The following RUNX2 variants were observed in gnomAD, a reference collection of about 807,000 sequenced individuals.
The protein encoded by RUNX2 is RUNX family transcription factor 2.
A neutral mutation model predicts 51.7 loss-of-function variants in RUNX2; 10 were observed. The ratio of observed to expected loss-of-function variants is 0.19; its 90% CI spans 0.12 to 0.33. The LOEUF (loss-of-function observed/expected upper bound fraction) is 0.33. RUNX2 is among the 10% of genes least tolerant of loss of function. RUNX2 has a pLI of 1.00. For missense variants in RUNX2, 562 were observed against 691.3 expected (o/e 0.81, Z 2.10); for synonymous variants, 276 against 273.6 (o/e 1.01, Z -0.09).
chr6:45,360,061 T>C (rs1016229840), intron 2 of RUNX2, among the ~76,000 whole-genome samples: 1 of 152,242 alleles, frequency 6.6e-6, no homozygotes, highest in Non-Finnish European at 1.5e-5. Flanking sequence ...TTGAAAGTCA[T>C]TTATAAACTA....
At chr6:45,423,373 C>T (rs1798286169) in intron 3 of RUNX2, among the ~76,000 whole-genome samples, 1 of 152,170 alleles carries the variant, frequency 6.6e-6, no homozygotes, top group Non-Finnish European at 1.5e-5. Context: ...GCATTGTCCC[C>T]TGGGGCTCCC....
chr6:45,519,774 TTA>T (rs1179504865), intron 7 of RUNX2, among the ~76,000 whole-genome samples: 251 of 135,896 alleles, frequency 1.8e-3, no homozygotes, highest in Middle Eastern at 7.3e-3. Flanking sequence ...AAGGATGCTA[TTA>T]TATATATATA....
intron 5 of RUNX2, among the ~76,000 whole-genome samples, chr6:45,442,745 T>C (rs1420536074): frequency 6.6e-6 from 1 of 152,198 alleles, no homozygotes; most frequent in Non-Finnish European, 1.5e-5. Flanking sequence ...GGATGGTTTT[T>C]CTATTTGTCA....
At chr6:45,343,276 G>A (rs1790198296) in intron 2 of RUNX2, among the ~76,000 whole-genome samples, 1 of 152,076 alleles carries the variant, frequency 6.6e-6, no homozygotes, top group Admixed American at 6.5e-5. Context: ...TTGGGAGGCC[G>A]AGGCGGGCAG....
At chr6:45,356,978 C>T (rs1302671993) in intron 2 of RUNX2, among the ~76,000 whole-genome samples, 1 of 152,100 alleles carries the variant, frequency 6.6e-6, no homozygotes, top group Non-Finnish European at 1.5e-5. Context: ...CTACTAACCA[C>T]TCTCTGATAT....
At chr6:45,462,208 T>C (rs905427251) in intron 5 of RUNX2, among the ~76,000 whole-genome samples, 1 of 152,260 alleles carries the variant, frequency 6.6e-6, no homozygotes, top group Non-Finnish European at 1.5e-5. Flanking sequence ...CAGTTATTTA[T>C]ATCCATATGT....
chr6:45,384,252 T>C (rs910535184), intron 2 of RUNX2, among the ~76,000 whole-genome samples: 14 of 151,708 alleles, frequency 9.2e-5, no homozygotes, highest in African/African-American at 3.4e-4. Flanking sequence ...TTTCCAGGGG[T>C]GGGGGGAGTG....
intron 2 of RUNX2, among the ~76,000 whole-genome samples, chr6:45,344,113 G>A (rs960649814): frequency 3.9e-5 from 6 of 151,986 alleles, no homozygotes; most frequent in Non-Finnish European, 5.9e-5. Flanking sequence ...CCTTTTATTC[G>A]GAGAGATAAA....
At chr6:45,415,594 A>G (rs143145210) in intron 2 of RUNX2, among the ~76,000 whole-genome samples, 21 of 152,298 alleles carry the variant, frequency 1.4e-4, no homozygotes, top group African/African-American at 4.8e-4. Context: ...AGCTAGCTTT[A>G]TTGCAGCAGC....
At chr6:45,527,080 C>A (rs1453869980) in intron 7 of RUNX2, among the ~76,000 whole-genome samples, 1 of 151,970 alleles carries the variant, frequency 6.6e-6, no homozygotes, top group East Asian at 1.9e-4. Context: ...ATCTAATTAA[C>A]AAAAAAGAGT....
At chr6:45,484,184 G>C (rs1048938993) in intron 5 of RUNX2, among the ~76,000 whole-genome samples, 5 of 152,180 alleles carry the variant, frequency 3.3e-5, no homozygotes, top group Admixed American at 6.5e-5. Flanking sequence ...CCACAGGCCA[G>C]AGGTTAGGAG....
chr6:45,347,983 C>T (rs929491754), intron 2 of RUNX2, among the ~76,000 whole-genome samples: 7 of 152,006 alleles, frequency 4.6e-5, no homozygotes, highest in Non-Finnish European at 8.8e-5. Flanking sequence ...CTTTTACAAT[C>T]AGAGAAAGTT....
At chr6:45,388,539 C>T (rs1031918443) in intron 2 of RUNX2, among the ~76,000 whole-genome samples, 1 of 152,142 alleles carries the variant, frequency 6.6e-6, no homozygotes, top group African/African-American at 2.4e-5. Flanking sequence ...ACAAGTTGTC[C>T]AGGTGATTTT....
At chr6:45,484,099 C>T (rs9472494) in intron 5 of RUNX2, among the ~76,000 whole-genome samples, 46,762 of 151,968 alleles carry the variant, frequency 0.31, 7,462 homozygotes, top group Non-Finnish European at 0.34. Context: ...TTTTGGTAGA[C>T]GAGGAAGCTA....
intron 3 of RUNX2, among the ~76,000 whole-genome samples, chr6:45,428,368 T>C (rs1798441891): frequency 6.6e-6 from 1 of 152,150 alleles, no homozygotes; most frequent in South Asian, 2.1e-4. Flanking sequence ...TTCTGATTGA[T>C]ATAAAGTCAA....
chr6:45,435,826 A>G (rs1798670277), intron 4 of RUNX2, among the ~76,000 whole-genome samples: 1 of 152,232 alleles, frequency 6.6e-6, no homozygotes, highest in Admixed American at 6.5e-5. Flanking sequence ...ATCTGACCCC[A>G]AAATGGCACT....
intron 2 of RUNX2, among the ~76,000 whole-genome samples, chr6:45,400,501 C>T (rs771825218): frequency 9.2e-5 from 14 of 152,162 alleles, no homozygotes; most frequent in Non-Finnish European, 1.8e-4. Context: ...CTTAAATGAT[C>T]TAGATAAATG....
At chr6:45,495,585 C>A (rs1331142409) in intron 6 of RUNX2, among the ~76,000 whole-genome samples, 1 of 152,178 alleles carries the variant, frequency 6.6e-6, no homozygotes, top group African/African-American at 2.4e-5. Context: ...ACGTTTGTAA[C>A]AGGAAGGGCC....
intron 2 of RUNX2, among the ~76,000 whole-genome samples, chr6:45,396,859 T>A (rs571930797): frequency 4.8e-4 from 73 of 152,358 alleles, no homozygotes; most frequent in Non-Finnish European, 9.0e-4. Flanking sequence ...TATCACTGAA[T>A]AACAATATCC....
Sources: gnomAD v4.1 joint callset for allele counts (sites outside exome capture counted in the v4.1 genomes callset) on GRCh38, gnomAD v4.1.1 for gene constraint, MANE v1.5 for transcripts, NCBI Gene and HGNC (gene_info 2026-07-23, HGNC 2026-07-21) for gene names.